CXCL13: variants seen among roughly 807,000 people sequenced by gnomAD.
CXCL13 encodes the protein C-X-C motif chemokine 13.
CXCL13 carries 7 observed loss-of-function variants against 12.2 expected under a neutral mutation model. That is an observed-to-expected ratio of 0.57 (90% CI 0.33 to 1.07). The LOEUF is 1.07. Among genes scored for constraint, CXCL13 ranks in the 50% least tolerant of loss-of-function variants. CXCL13 has a pLI of 0.04. For synonymous variants in CXCL13, 47 were observed against 42.4 expected (o/e 1.11, Z -0.42); for missense variants, 113 against 127.4 (o/e 0.89, Z 0.55).
At chr4:77,579,520 T>C (rs1404392178) in intron 1 of CXCL13, among the ~76,000 whole-genome samples, 2 of 152,224 alleles carry the variant, frequency 1.3e-5, no homozygotes, top group Non-Finnish European at 2.9e-5. Context: ...ATTATGCTAT[T>C]GGAGTCCCCA....
intron 1 of CXCL13, among the ~76,000 whole-genome samples, chr4:77,563,817 G>A (rs1280422641): frequency 6.6e-6 from 1 of 152,156 alleles, no homozygotes; most frequent in Non-Finnish European, 1.5e-5. Context: ...TGTCTTCTAT[G>A]GGAGGAATGA....
At chr4:77,565,776 G>A (rs554961362) in intron 1 of CXCL13, among the ~76,000 whole-genome samples, 2 of 152,174 alleles carry the variant, frequency 1.3e-5, no homozygotes, top group South Asian at 4.2e-4. Flanking sequence ...ATGTTACAGA[G>A]GCAATAGGAA....
chr4:77,533,908 C>G (rs1310827305), intron 1 of CXCL13, among the ~76,000 whole-genome samples: 1 of 152,198 alleles, frequency 6.6e-6, no homozygotes, highest in Non-Finnish European at 1.5e-5. Context: ...GTGAGAGTGA[C>G]CCAATTTTCC....
In CXCL13 at chr4:77,579,817, C is replaced by G. The variant is rs181182284; in HGVS notation, c.-42-26007C>G. 1.1e-3 allele frequency among the ~76,000 whole-genome samples: 168 copies of G among 152,328 alleles called. 4 individuals carry two copies. The highest frequency in any genetic ancestry group is 6.3e-4 in the Non-Finnish European group (43 of 68,028). On this transcript the variant is annotated intron_variant, in intron 1 of 4. Transcript: ENST00000286758. ...GCAAATAACCCCAAATGTGTTAGCG[C>G]TAAGCACTCAGGGAGCCTTAGATTA...
At chr4:77,608,912 C>A (rs1727078711) in intron 2 of CXCL13, among the ~76,000 whole-genome samples, 1 of 152,142 alleles carries the variant, frequency 6.6e-6, no homozygotes, top group Non-Finnish European at 1.5e-5. Context: ...TGCCTGTCAA[C>A]CAAGGAAGGT....
intron 1 of CXCL13, among the ~76,000 whole-genome samples, chr4:77,560,292 G>A (rs887177776): frequency 6.6e-6 from 1 of 152,058 alleles, no homozygotes; most frequent in Admixed American, 6.6e-5. Flanking sequence ...GTTCTTATTG[G>A]AATCTGTGTG....
At chr4:77,513,086 T>C (rs984639471) in intron 1 of CXCL13, among the ~76,000 whole-genome samples, 2 of 152,138 alleles carry the variant, frequency 1.3e-5, no homozygotes, top group African/African-American at 4.8e-5. Flanking sequence ...CCTTCACCCA[T>C]GTCCCTGAAA....
intron 1 of CXCL13, among the ~76,000 whole-genome samples, chr4:77,592,016 T>C (rs1726624575): frequency 6.6e-6 from 1 of 152,210 alleles, no homozygotes; most frequent in African/African-American, 2.4e-5. Context: ...CCAAAAACAT[T>C]TCTGGCCACC....
At chr4:77,531,055 T>C (rs1335247792) in intron 1 of CXCL13, among the ~76,000 whole-genome samples, 2 of 151,092 alleles carry the variant, frequency 1.3e-5, no homozygotes, top group African/African-American at 4.9e-5. Flanking sequence ...TCAGGAGCAA[T>C]TTGTTCAGTT....
upstream of CXCL13, among the ~76,000 whole-genome samples, chr4:77,600,900 A>G (rs1726867205): frequency 6.6e-6 from 1 of 152,188 alleles, no homozygotes; most frequent in Admixed American, 6.6e-5. Context: ...AATCAAAAAA[A>G]TCTCAAACCT....
chr4:77,600,633 C>T (rs543638469), intron 1 of CXCL13, among the ~76,000 whole-genome samples: 13 of 152,300 alleles, frequency 8.5e-5, no homozygotes, highest in African/African-American at 3.1e-4. Flanking sequence ...ATGCACTATG[C>T]TTTAAAAGCA....
At chr4:77,569,816 A>T (rs749932363) in intron 1 of CXCL13, among the ~76,000 whole-genome samples, 17 of 152,248 alleles carry the variant, frequency 1.1e-4, no homozygotes, top group Non-Finnish European at 1.2e-4. Flanking sequence ...CAAATAGCCA[A>T]GGCAATCCTA....
intron 1 of CXCL13, among the ~76,000 whole-genome samples, chr4:77,606,265 C>T (rs1360545203): frequency 1.3e-5 from 2 of 152,184 alleles, no homozygotes; most frequent in African/African-American, 4.8e-5. Flanking sequence ...ATGTTACCCA[C>T]TCTGACCAAA....
chr4:77,570,286 G>C (rs1002469535), intron 1 of CXCL13, among the ~76,000 whole-genome samples: 1 of 152,318 alleles, frequency 6.6e-6, no homozygotes, highest in Non-Finnish European at 1.5e-5. Flanking sequence ...CTAAACTAAA[G>C]AGCTTCAGCA....
chr4:77,513,646 G>A (rs183177296), intron 1 of CXCL13, among the ~76,000 whole-genome samples: 25 of 151,994 alleles, frequency 1.6e-4, no homozygotes, highest in Non-Finnish European at 2.4e-4. Flanking sequence ...TAGAGTCGGG[G>A]TTTTACCATG....
At chr4:77,532,039 C>T (rs1345334120) in intron 1 of CXCL13, among the ~76,000 whole-genome samples, 2 of 152,152 alleles carry the variant, frequency 1.3e-5, no homozygotes, top group Admixed American at 6.5e-5. Flanking sequence ...GCATTTAGCC[C>T]ATTTACATTT....
At chr4:77,540,844 C>T (rs1206040013) in intron 1 of CXCL13, among the ~76,000 whole-genome samples, 1 of 152,148 alleles carries the variant, frequency 6.6e-6, no homozygotes, top group Non-Finnish European at 1.5e-5. Context: ...AACTGCTTTC[C>T]ACAGAGGCTG....
chr4:77,576,829 C>A (rs1726209087), intron 1 of CXCL13, among the ~76,000 whole-genome samples: 1 of 152,174 alleles, frequency 6.6e-6, no homozygotes, highest in South Asian at 2.1e-4. Context: ...AGCCTAAAGT[C>A]TATTTTGCAA....
chr4:77,610,539 A>G, intron 2 of CXCL13, 75 bp from the exon 3 acceptor site: 1 of 1,187,012 alleles, frequency 8.4e-7, no homozygotes, highest in South Asian at 1.3e-5. Context: ...TTTCATACCA[A>G]ACTCTTTTCT....
Sources: allele counts gnomAD v4.1 joint callset (sites outside exome capture counted in the v4.1 genomes callset), GRCh38; gene constraint gnomAD v4.1.1; transcripts MANE v1.5; gene names NCBI Gene and HGNC (gene_info 2026-07-23, HGNC 2026-07-21).